Variants in DNAH14 observed in about 807,000 individuals in gnomAD.
DNAH14 encodes the protein dynein axonemal heavy chain 14.
DNAH14 carries 478 observed loss-of-function variants against 520.9 expected under a neutral mutation model. The observed-to-expected ratio is 0.92, with a 90% CI of 0.85 to 0.99. The LOEUF (loss-of-function observed/expected upper bound fraction) is 0.99. DNAH14 is among the 50% of genes least tolerant of loss of function. The probability of loss-of-function intolerance (pLI) is 0.00; values close to 1 mark genes in which losing one functional copy is unlikely to be tolerated. For synonymous variants in DNAH14, 1,581 were observed against 1,757.2 expected (o/e 0.90, Z 2.51); for missense variants, 4,831 against 5,234.5 (o/e 0.92, Z 2.38).
intron 36 of DNAH14, among the ~76,000 whole-genome samples, chr1:225,175,672 C>T (rs1457725229): frequency 7.4e-6 from 1 of 135,628 alleles, no homozygotes; most frequent in East Asian, 2.1e-4. Flanking sequence ...TTTCTAGTTT[C>T]TTGAGGTGTA....
intron 36 of DNAH14, among the ~76,000 whole-genome samples, chr1:225,179,420 A>G (rs1255753341): frequency 1.3e-5 from 2 of 152,184 alleles, no homozygotes; most frequent in East Asian, 3.9e-4. Context: ...CTGAAAAATC[A>G]TAGTTATAAT....
At chr1:225,083,026 A>G (rs925314274) in intron 20 of DNAH14, among the ~76,000 whole-genome samples, 35 of 152,134 alleles carry the variant, frequency 2.3e-4, no homozygotes, top group Non-Finnish European at 3.4e-4. Context: ...TGCTATTTAT[A>G]CAGAATACAT....
At position 225,351,754 on chromosome 1, in the gene DNAH14, A is replaced by G; in HGVS notation, c.11404A>G (p.Lys3802Glu). ...CCTGGAACCATTTTCACTTCTGTGC[A>G]AATCCCTTTTATCAAACGTATCACA... ...THLEPFSLLCKSLLSNVSQWD... is the reference protein window; with the variant it reads ...THLEPFSLLCESLLSNVSQWD... The change falls in exon 72 of 86, where the codon AAA becomes GAA. Residue 3802 changes from lysine to glutamate, a missense_variant. Physicochemically the swap from Lys to Glu is moderately conservative, Grantham distance 56. Transcript: ENST00000682510. 2 of 1,551,428 alleles carry G rather than the reference A, an allele frequency of 1.3e-6. No homozygotes were observed. Among genetic ancestry groups the G allele is most frequent in the Non-Finnish European group, 1.7e-6 (2 of 1,146,782 alleles).
At chr1:224,963,404 T>C (rs1323894492) in intron 4 of DNAH14, among the ~76,000 whole-genome samples, 2 of 152,114 alleles carry the variant, frequency 1.3e-5, no homozygotes, top group Non-Finnish European at 2.9e-5. Flanking sequence ...ATAATTTGTT[T>C]TTCCACATTT....
chr1:224,979,284 A>G (rs764012299), intron 8 of DNAH14, among the ~76,000 whole-genome samples: 6 of 152,216 alleles, frequency 3.9e-5, no homozygotes, highest in Non-Finnish European at 8.8e-5. Flanking sequence ...ATGCCATGGC[A>G]GTGGCTGTGT....
chr1:224,982,428 G>A (rs2062341392), intron 8 of DNAH14, among the ~76,000 whole-genome samples: 4 of 152,152 alleles, frequency 2.6e-5, no homozygotes, highest in Admixed American at 6.5e-5. Flanking sequence ...CTGGTGCCAC[G>A]TGTGAGGAAA....
intron 76 of DNAH14, among the ~76,000 whole-genome samples, chr1:225,365,834 C>T (rs925786538): frequency 2.9e-4 from 44 of 152,098 alleles, no homozygotes; most frequent in African/African-American, 4.1e-4. Flanking sequence ...ACAGAAATAG[C>T]GCTTCAGGGA....
At chr1:225,377,196 C>A in intron 78 of DNAH14, 41 bp from the exon 79 acceptor site, 1 of 1,375,788 alleles carries the variant, frequency 7.3e-7, no homozygotes, top group Non-Finnish European at 9.5e-7. Context: ...TCAGAAGTAG[C>A]AGGATTGAAG....
chr1:225,153,699 A>C (rs968861534), intron 33 of DNAH14, 51 bp from the exon 34 acceptor site: 7 of 1,340,888 alleles, frequency 5.2e-6, no homozygotes, highest in Admixed American at 2.0e-5. Flanking sequence ...ATTTGTTTTC[A>C]TATTTTTTCT....
intron 36 of DNAH14, 68 bp from the exon 37 acceptor site, chr1:225,185,223 A>G (rs186828415): frequency 3.4e-6 from 5 of 1,459,068 alleles, no homozygotes; most frequent in Middle Eastern, 1.8e-4. Flanking sequence ...GTCAATGGAT[A>G]TAGAGATATA....
intron 46 of DNAH14, among the ~76,000 whole-genome samples, chr1:225,263,378 G>A (rs1014257816): frequency 5.3e-5 from 8 of 151,422 alleles, no homozygotes; most frequent in Admixed American, 3.3e-4. Flanking sequence ...TAAACGGGAC[G>A]CAGTTATTCA....
chr1:225,240,402 A>G (rs990884872), intron 42 of DNAH14, among the ~76,000 whole-genome samples, 191 bp from the exon 43 acceptor site: 1 of 151,790 alleles, frequency 6.6e-6, no homozygotes, highest in African/African-American at 2.4e-5. Flanking sequence ...TTAAAAAAAT[A>G]GTAATTGTAT....
At chr1:225,368,818 T>C (rs2150618606) in intron 77 of DNAH14, among the ~76,000 whole-genome samples, 1 of 152,322 alleles carries the variant, frequency 6.6e-6, no homozygotes, top group Middle Eastern at 3.4e-3. Flanking sequence ...CTTTTCAGTT[T>C]TGAAAAGAGG....
At chr1:225,325,946 G>T (rs940397859) in intron 64 of DNAH14, among the ~76,000 whole-genome samples, 3 of 152,102 alleles carry the variant, frequency 2.0e-5, no homozygotes, top group Non-Finnish European at 4.4e-5. Flanking sequence ...GGCAAACTGA[G>T]ATATATTAAA....
At chr1:225,201,171 G>C (rs1382545093) in intron 38 of DNAH14, among the ~76,000 whole-genome samples, 1 of 151,798 alleles carries the variant, frequency 6.6e-6, no homozygotes, top group African/African-American at 2.4e-5. Context: ...ATTTTCCAGA[G>C]AATTTTGCAT....
At chr1:225,139,768 A>G (rs557830490) in intron 27 of DNAH14, among the ~76,000 whole-genome samples, 1 of 152,284 alleles carries the variant, frequency 6.6e-6, no homozygotes, top group South Asian at 2.1e-4. Context: ...TGAGGCTGCA[A>G]ATCTTGAATA....
chr1:225,392,135 G>A (rs574221935), intron 83 of DNAH14, among the ~76,000 whole-genome samples, 156 bp from the exon 84 acceptor site: 41 of 152,298 alleles, frequency 2.7e-4, no homozygotes, highest in African/African-American at 9.1e-4. Flanking sequence ...GAGAGGGTGG[G>A]TGAACTGGTC....
intron 22 of DNAH14, 133 bp from the exon 23 acceptor site, chr1:225,100,580 G>A: frequency 1.4e-6 from 1 of 731,990 alleles, no homozygotes; most frequent in Non-Finnish European, 2.1e-6. Context: ...AAGTATCTTT[G>A]ATGATTTATC....
At chr1:225,202,993 T>C (rs1461723131) in intron 38 of DNAH14, among the ~76,000 whole-genome samples, 1 of 152,220 alleles carries the variant, frequency 6.6e-6, no homozygotes, top group Non-Finnish European at 1.5e-5. Context: ...AGGGTGTGTG[T>C]TTGGGGGTGG....
Sources: gnomAD v4.1 joint callset for allele counts (sites outside exome capture counted in the v4.1 genomes callset) on GRCh38, gnomAD v4.1.1 for gene constraint, MANE v1.5 for transcripts, NCBI Gene and HGNC (gene_info 2026-07-23, HGNC 2026-07-21) for gene names.